PARD3: variants seen among roughly 807,000 people sequenced by gnomAD.
The protein encoded by PARD3 is par-3 family cell polarity regulator, also known as partitioning defective 3 homolog.
Under a neutral mutation model 155.4 loss-of-function variants are expected in PARD3, and 75 were observed. The observed-to-expected ratio is 0.48, with a 90% CI of 0.40 to 0.58. PARD3 has a LOEUF of 0.58. Among genes scored for constraint, PARD3 ranks in the 20% least tolerant of loss-of-function variants. The pLI is 0.00. For synonymous variants in PARD3, 576 were observed against 610.5 expected (o/e 0.94, Z 0.83); for missense variants, 1,642 against 1,721.7 (o/e 0.95, Z 0.82).
chr10:34,295,320 C>G (rs1956857458), intron 20 of PARD3, among the ~76,000 whole-genome samples: 1 of 152,186 alleles, frequency 6.6e-6, no homozygotes, highest in African/African-American at 2.4e-5. Context: ...CGGCAAATGT[C>G]AAACCTCCAC....
At chr10:34,476,844 T>C (rs1306449459) in intron 3 of PARD3, among the ~76,000 whole-genome samples, 1 of 152,218 alleles carries the variant, frequency 6.6e-6, no homozygotes, top group African/African-American at 2.4e-5. Flanking sequence ...AATGGTGCAG[T>C]AGTAGTCACA....
chr10:34,436,271 G>A (rs1280533870), intron 5 of PARD3, among the ~76,000 whole-genome samples: 1 of 152,200 alleles, frequency 6.6e-6, no homozygotes, highest in Non-Finnish European at 1.5e-5. Flanking sequence ...ATTTGTTGGA[G>A]GAAAGGGGAA....
intron 5 of PARD3, among the ~76,000 whole-genome samples, chr10:34,405,984 G>A (rs1485498256): frequency 6.6e-6 from 1 of 152,148 alleles, no homozygotes; most frequent in Non-Finnish European, 1.5e-5. Flanking sequence ...TCTGTTCTGT[G>A]TGTGTATATA....
intron 1 of PARD3, among the ~76,000 whole-genome samples, chr10:34,749,694 G>C (rs1835749072): frequency 6.6e-6 from 1 of 152,080 alleles, no homozygotes; most frequent in Non-Finnish European, 1.5e-5. Context: ...ATAGTCAGAA[G>C]TAACTACTTG....
chr10:34,553,092 T>A (rs2084716465), intron 2 of PARD3, among the ~76,000 whole-genome samples: 3 of 152,128 alleles, frequency 2.0e-5, no homozygotes, highest in Admixed American at 2.0e-4. Context: ...CTGTGTGACA[T>A]CCTGGCAGAG....
At chr10:34,195,473 T>C (rs1950895084) in intron 22 of PARD3, among the ~76,000 whole-genome samples, 1 of 152,126 alleles carries the variant, frequency 6.6e-6, no homozygotes. Context: ...CAACACACAG[T>C]AACATGCTAG....
intron 7 of PARD3, among the ~76,000 whole-genome samples, chr10:34,395,327 G>A (rs981525571): frequency 3.3e-5 from 5 of 152,058 alleles, no homozygotes; most frequent in Non-Finnish European, 7.4e-5. Flanking sequence ...GAGCCACTGC[G>A]CCCAGCCGAT....
At chr10:34,638,686 T>C (rs989522633) in intron 2 of PARD3, among the ~76,000 whole-genome samples, 21 of 152,186 alleles carry the variant, frequency 1.4e-4, no homozygotes, top group African/African-American at 5.1e-4. Context: ...AAGTACTGCT[T>C]TCCATTTCTG....
In PARD3 at chr10:34,269,757, G is replaced by C. The variant is rs1039127566; in HGVS notation, c.3319C>G (p.Leu1107Val). The C allele has an allele frequency of 2.5e-6, 4 of 1,613,956 alleles. No individual in the cohort carries two copies. The highest frequency in any genetic ancestry group is 3.4e-6 in the Non-Finnish European group (4 of 1,179,966). The part of the protein sequence containing the change: ...GVSSYEGSMA[L>V]NARPQSPREG... ...CGTGGGCTCTGAGGTCTAGCGTTGA[G>C]AGCCATGGAACCTTCATAAGAAGAA... is the stretch of plus-strand genomic sequence containing the variant. Residue 1107 changes from leucine (L) to valine (V), a missense_variant, in exon 22 of 25, where the codon CTC (leucine) becomes GTC (valine). Physicochemically the swap from Leu to Val is conservative, Grantham distance 32 (BLOSUM62 1). Coordinates refer to ENST00000374788, the MANE Select transcript of PARD3 (RefSeq NM_001184785.2).
chr10:34,147,660 GA>G (rs1317415814), intron 22 of PARD3, among the ~76,000 whole-genome samples: 1 of 151,366 alleles, frequency 6.6e-6, no homozygotes, highest in Non-Finnish European at 1.5e-5. Flanking sequence ...CTTTGTTTTG[GA>G]AAAAAATCCC....
At chr10:34,159,266 T>TCTTTAG (rs2133034124) in intron 22 of PARD3, among the ~76,000 whole-genome samples, 1 of 152,346 alleles carries the variant, frequency 6.6e-6, no homozygotes, top group Admixed American at 6.5e-5. Context: ...ATACGTGTTC[T>TCTTTAG]CTTTAGCTTC....
intron 1 of PARD3, among the ~76,000 whole-genome samples, chr10:34,707,710 C>T (rs1026836429): frequency 1.3e-5 from 2 of 152,202 alleles, no homozygotes; most frequent in African/African-American, 4.8e-5. Flanking sequence ...CACACACACA[C>T]ATATTTGTCT....
chr10:34,791,580 C>G (rs1451890669), intron 1 of PARD3, among the ~76,000 whole-genome samples: 2 of 152,202 alleles, frequency 1.3e-5, no homozygotes, highest in African/African-American at 2.4e-5. Flanking sequence ...GTCCCCACAG[C>G]CTCAACCCGT....
chr10:34,417,403 C>T (rs1797365675), intron 5 of PARD3, among the ~76,000 whole-genome samples: 1 of 152,110 alleles, frequency 6.6e-6, no homozygotes, highest in African/African-American at 2.4e-5. Flanking sequence ...TTTGGGAAAA[C>T]TTCAAACCTC....
intron 22 of PARD3, among the ~76,000 whole-genome samples, chr10:34,235,202 T>TA (rs780554807): frequency 9.2e-5 from 14 of 152,194 alleles, no homozygotes; most frequent in Non-Finnish European, 1.6e-4. Context: ...TTTTTAAAGG[T>TA]AAAATTATTA....
At chr10:34,261,776 G>C (rs1564528149) in intron 22 of PARD3, among the ~76,000 whole-genome samples, 2 of 82,922 alleles carry the variant, frequency 2.4e-5, no homozygotes, top group Non-Finnish European at 5.9e-5. Flanking sequence ...AAGGAAGAAA[G>C]AAAGAAAAGA....
intron 22 of PARD3, among the ~76,000 whole-genome samples, chr10:34,132,391 T>C (rs894375560): frequency 4.7e-5 from 7 of 148,602 alleles, no homozygotes; most frequent in African/African-American, 1.0e-4. Flanking sequence ...AGTGGTTCAT[T>C]TGGGGATCTC....
chr10:34,624,622 T>G (rs2091887670), intron 2 of PARD3, among the ~76,000 whole-genome samples: 1 of 152,206 alleles, frequency 6.6e-6, no homozygotes, highest in Non-Finnish European at 1.5e-5. Context: ...AGGACAGGCC[T>G]TCATTCAACT....
At chr10:34,555,463 G>C (rs952093211) in intron 2 of PARD3, among the ~76,000 whole-genome samples, 2 of 151,852 alleles carry the variant, frequency 1.3e-5, no homozygotes, top group African/African-American at 4.8e-5. Context: ...ATGGGAAAAT[G>C]GTCTCCTAGG....
Sources: gnomAD v4.1 joint callset for allele counts (sites outside exome capture counted in the v4.1 genomes callset) on GRCh38, gnomAD v4.1.1 for gene constraint, MANE v1.5 for transcripts, NCBI Gene and HGNC (gene_info 2026-07-23, HGNC 2026-07-21) for gene names.